GSG1L: variants seen among roughly 807,000 people sequenced by gnomAD.
The protein encoded by GSG1L is germ cell-specific gene 1-like protein.
GSG1L carries 24 observed loss-of-function variants against 42.1 expected under a neutral mutation model. That is an observed-to-expected ratio of 0.57 (90% CI 0.41 to 0.80). The LOEUF is 0.80. Ranked by LOEUF, GSG1L falls within the 30% of genes least tolerant of loss-of-function variation. The probability of loss-of-function intolerance (pLI) is 0.00; values close to 1 mark genes in which losing one functional copy is unlikely to be tolerated. For missense variants in GSG1L, 445 were observed against 472.2 expected, an observed-to-expected ratio of 0.94 and a Z score of 0.53; for synonymous variants, 215 against 203.5, an observed-to-expected ratio of 1.06 and a Z score of -0.48.
At chr16:27,961,520 G>A (rs1007202976) in intron 2 of GSG1L, among the ~76,000 whole-genome samples, 2 of 152,218 alleles carry the variant, frequency 1.3e-5, no homozygotes, top group Non-Finnish European at 2.9e-5. Flanking sequence ...ATCTCTCTAA[G>A]CCTTGGTTTC....
At chr16:27,828,637 G>T in intron 5 of GSG1L, 152 bp downstream of exon 5, 2 of 684,136 alleles carry the variant, frequency 2.9e-6, no homozygotes, top group Non-Finnish European at 4.8e-6. Context: ...ACATAGTGGC[G>T]TCCAAACTCT....
chr16:27,936,297 G>A lies in GSG1L; in HGVS notation c.397+26859C>T, dbSNP rs75739580. 7.4e-3 allele frequency among the ~76,000 whole-genome samples: 1,134 copies of A among 152,280 alleles called. 16 individuals are homozygous for A. The highest frequency in any genetic ancestry group is 0.026 in the African/African-American group (1,076 of 41,558). On this transcript the variant is annotated intron_variant, in intron 2 of 6. Transcript: ENST00000447459. ...GATCTCAGGTTGAAATTTGATCTCT[G>A]CTGTTAGAGATGGAGCCTAATGGAA... is the stretch of plus-strand genomic sequence containing the variant.
intron 2 of GSG1L, among the ~76,000 whole-genome samples, chr16:27,933,648 CAA>C (rs55936452): frequency 3.7e-4 from 35 of 94,664 alleles, no homozygotes; most frequent in African/African-American, 1.4e-3. Context: ...GACTTTGTCA[CAA>C]AAAAAAAAAA....
chr16:27,985,416 G>T (rs1044319403), intron 1 of GSG1L, among the ~76,000 whole-genome samples: 2 of 152,082 alleles, frequency 1.3e-5, no homozygotes, highest in African/African-American at 4.8e-5. Flanking sequence ...CTCACCATGG[G>T]ACACACTGCC....
chr16:27,861,552 T>C (rs1171854108), intron 3 of GSG1L, among the ~76,000 whole-genome samples: 3 of 152,128 alleles, frequency 2.0e-5, no homozygotes, highest in African/African-American at 7.2e-5. Flanking sequence ...GCAAAATTTA[T>C]GGACAAGGGT....
At chr16:27,953,747 TG>T (rs1468745608) in intron 2 of GSG1L, among the ~76,000 whole-genome samples, 1 of 152,024 alleles carries the variant, frequency 6.6e-6, no homozygotes, top group African/African-American at 2.4e-5. Flanking sequence ...GGCATGGTGG[TG>T]CATGCCTGTA....
At chr16:28,043,448 G>T (rs1279407288) in intron 1 of GSG1L, among the ~76,000 whole-genome samples, 2 of 152,312 alleles carry the variant, frequency 1.3e-5, no homozygotes, top group South Asian at 4.1e-4. Context: ...AAAAGAAGGA[G>T]TCAAAAGGAA....
At chr16:27,798,298 G>A (rs1030744859) in intron 6 of GSG1L, among the ~76,000 whole-genome samples, 2 of 152,152 alleles carry the variant, frequency 1.3e-5, no homozygotes, top group Non-Finnish European at 2.9e-5. Flanking sequence ...CCAGGAGCTG[G>A]GGAGGGGGCT....
At chr16:27,832,811 T>A (rs2140970311) in intron 4 of GSG1L, among the ~76,000 whole-genome samples, 1 of 152,324 alleles carries the variant, frequency 6.6e-6, no homozygotes, top group South Asian at 2.1e-4. Flanking sequence ...AATTGGATTG[T>A]TTTGTTGTTG....
At chr16:27,955,444 A>G (rs1168850289) in intron 2 of GSG1L, among the ~76,000 whole-genome samples, 1 of 152,170 alleles carries the variant, frequency 6.6e-6, no homozygotes, top group Non-Finnish European at 1.5e-5. Context: ...AGAAAATAAG[A>G]TATTAAAAGC....
chr16:27,926,668 G>A (rs188230277), intron 2 of GSG1L, among the ~76,000 whole-genome samples: 87 of 152,206 alleles, frequency 5.7e-4, no homozygotes, highest in East Asian at 1.5e-3. Flanking sequence ...CAGCCTGGGC[G>A]ACAGAGCGAG....
intron 1 of GSG1L, among the ~76,000 whole-genome samples, chr16:28,004,217 G>A (rs906089850): frequency 2.0e-5 from 3 of 152,184 alleles, no homozygotes; most frequent in Non-Finnish European, 4.4e-5. Context: ...CTCAGTGCTG[G>A]CTGCTCCCTT....
intron 1 of GSG1L, among the ~76,000 whole-genome samples, chr16:28,060,239 T>C (rs2086325653): frequency 6.6e-6 from 1 of 151,936 alleles, no homozygotes; most frequent in Admixed American, 6.6e-5. Flanking sequence ...AAAAATAAAA[T>C]AGTCACAGAA....
rs568864667 is a variant in GSG1L, at chr16:27,911,266, G to GCTCGCTCTCTCT, written c.398-26629_398-26628insAGAGAGAGCGAG. 1.2e-3 allele frequency among the ~76,000 whole-genome samples: 145 copies of GCTCGCTCTCTCT among 122,140 alleles called. 1 individual carries two copies. Among genetic ancestry groups the GCTCGCTCTCTCT allele is most frequent in the African/African-American group, 5.0e-3 (143 of 28,624 alleles). 80.1% of individuals were successfully genotyped at this position (122,140 alleles called of 152,430 possible). A position where few individuals can be genotyped will look rare whatever the true frequency, so the allele number is the denominator to read the frequency against. ...TCTCTAGCCTCATCACCTCTCTCTCGCTCTCTCTCTCTCTCTCTCTCTCTC... is the reference window on the plus strand; with the variant it reads ...TCTCTAGCCTCATCACCTCTCTCTCGCTCGCTCTCTCTCTCTCTCTCTCTCTCTCTCTCTCTC... On this transcript the variant is annotated intron_variant, in intron 2 of 6. Transcript: ENST00000447459.
chr16:28,001,289 C>T (rs903372833), intron 1 of GSG1L, among the ~76,000 whole-genome samples: 4 of 152,248 alleles, frequency 2.6e-5, no homozygotes, highest in Non-Finnish European at 5.9e-5. Context: ...GTACAGCCAA[C>T]GCCAGCCTGG....
At chr16:27,965,912 T>A (rs1422907824) in intron 1 of GSG1L, among the ~76,000 whole-genome samples, 1 of 152,138 alleles carries the variant, frequency 6.6e-6, no homozygotes, top group Admixed American at 6.5e-5. Context: ...AGAGCCTAAG[T>A]CCTCGCTGTG....
chr16:27,988,870 T>C (rs922365830), intron 1 of GSG1L, among the ~76,000 whole-genome samples: 12 of 151,152 alleles, frequency 7.9e-5, no homozygotes, highest in East Asian at 1.9e-4. Flanking sequence ...CTGGCTAACA[T>C]GGTGAAACCC....
intron 1 of GSG1L, among the ~76,000 whole-genome samples, chr16:28,048,926 G>C (rs1289788191): frequency 6.6e-6 from 1 of 152,118 alleles, no homozygotes; most frequent in Admixed American, 6.5e-5. Flanking sequence ...TTTTAAAAAA[G>C]ATGGAGGAGG....
chr16:27,961,511 T>C (rs888875530), intron 2 of GSG1L, among the ~76,000 whole-genome samples: 8 of 152,318 alleles, frequency 5.3e-5, no homozygotes, highest in Non-Finnish European at 8.8e-5. Context: ...AGTGACTTCA[T>C]CTCTCTAAGC....
Sources: gnomAD v4.1 joint callset for allele counts (sites outside exome capture counted in the v4.1 genomes callset) on GRCh38, gnomAD v4.1.1 for gene constraint, MANE v1.5 for transcripts, NCBI Gene and HGNC (gene_info 2026-07-23, HGNC 2026-07-21) for gene names.